Variants in FAT3 observed in about 807,000 individuals in gnomAD.
FAT3 encodes the protein protocadherin Fat 3.
A neutral mutation model predicts 310.2 loss-of-function variants in FAT3; 95 were observed. The observed-to-expected ratio is 0.31, with a 90% confidence interval of 0.26 to 0.36. The LOEUF (loss-of-function observed/expected upper bound fraction) is 0.36. Ranked by LOEUF, FAT3 falls within the 10% of genes least tolerant of loss-of-function variation. The pLI is 1.00. For synonymous variants in FAT3, 2,314 were observed against 2,192.9 expected, an observed-to-expected ratio of 1.06 and a Z score of -1.54; for missense variants, 5,408 against 5,715.6, an observed-to-expected ratio of 0.95 and a Z score of 1.74.
At chr11:92,482,887 C>CT (rs1952272155) in intron 2 of FAT3, among the ~76,000 whole-genome samples, 1 of 152,196 alleles carries the variant, frequency 6.6e-6, no homozygotes. Context: ...TTTATAACAC[C>CT]TTTGCTGTCA....
At chr11:92,605,722 T>TTG (rs1410794273) in intron 3 of FAT3, among the ~76,000 whole-genome samples, 1 of 147,388 alleles carries the variant, frequency 6.8e-6, no homozygotes, top group East Asian at 2.0e-4. Flanking sequence ...TAGCTATGTT[T>TTG]TTTTTTTTTT....
intron 1 of FAT3, chr11:92,314,251 G>A: frequency 1.0e-6 from 1 of 973,314 alleles, no homozygotes; most frequent in Non-Finnish European, 1.2e-6. Context: ...AAGGTCATTG[G>A]ATCATTTGAT....
intron 2 of FAT3, among the ~76,000 whole-genome samples, chr11:92,461,336 C>T (rs1951633377): frequency 6.6e-6 from 1 of 151,956 alleles, no homozygotes; most frequent in Admixed American, 6.6e-5. Context: ...TCAGGCATAG[C>T]CTTCATTCAT....
At chr11:92,729,426 A>ATTTT (rs1358571849) in intron 4 of FAT3, among the ~76,000 whole-genome samples, 1 of 140,436 alleles carries the variant, frequency 7.1e-6, no homozygotes, top group African/African-American at 2.6e-5. Context: ...CCCAGACTGA[A>ATTTT]TTTTTTTTTT....
In FAT3 at chr11:92,882,818, T is replaced by A. The variant is rs746637172; in HGVS notation, c.12362T>A (p.Leu4121His). The change falls in exon 24 of 28, where the codon CTC becomes CAC. Residue 4121 changes from leucine (L) to histidine (H), a missense_variant. Physicochemically the swap from Leu to His is moderately conservative, Grantham distance 99. Coordinates refer to ENST00000525166, the MANE Select transcript of FAT3 (RefSeq NM_001367949.2). ...TGCGTGAACGTGTTCGGCTCCTTCC[T>A]CTGCAACTGCACGCCGGGCTACGTG... ...GSCVNVFGSF[L>H]CNCTPGYVGQ... 6.2e-7 allele frequency: 1 copy of A among 1,611,954 alleles called. No individual in the cohort carries two copies. Among genetic ancestry groups the A allele is most frequent in the Non-Finnish European group, 8.5e-7 (1 of 1,179,286 alleles).
chr11:92,355,457 A>G (rs1948705422), intron 2 of FAT3, 53 bp downstream of exon 2: 4 of 1,527,452 alleles, frequency 2.6e-6, no homozygotes, highest in Non-Finnish European at 3.6e-6. Flanking sequence ...TTAAATGGTC[A>G]ACAGTGGAAA....
At chr11:92,366,736 A>T (rs1591178270) in intron 2 of FAT3, 1 of 535,474 alleles carries the variant, frequency 1.9e-6, no homozygotes, top group South Asian at 1.4e-5. Flanking sequence ...TGATCTGGGG[A>T]GCTATTTCTT....
At position 92,881,227 on chromosome 11, in the gene FAT3, G is replaced by A. The variant is rs141372050; in HGVS notation, c.12281+343G>A. 6.6e-5 allele frequency among the ~76,000 whole-genome samples: 10 copies of A among 152,136 alleles called. No individual in the cohort carries two copies. The East Asian group carries it at 1.5e-3, about 24-fold the overall frequency. On this transcript the variant is annotated intron_variant, in intron 23 of 27. Coordinates refer to ENST00000525166, the MANE Select transcript of FAT3 (RefSeq NM_001367949.2). Reference sequence around the variant, plus strand: ...GGAGGCAGACATACTACCCATTTCCGCAGAATCCATTAACTGGACTCTACG... The same window carrying A: ...GGAGGCAGACATACTACCCATTTCCACAGAATCCATTAACTGGACTCTACG...
intron 13 of FAT3, among the ~76,000 whole-genome samples, chr11:92,814,685 A>G (rs1947774926): frequency 1.3e-5 from 2 of 152,186 alleles, no homozygotes; most frequent in Admixed American, 6.5e-5. Context: ...CAGGGAGGGG[A>G]ACATTACACA....
chr11:92,483,349 T>C (rs1421772520), intron 2 of FAT3, among the ~76,000 whole-genome samples: 1 of 152,116 alleles, frequency 6.6e-6, no homozygotes, highest in Non-Finnish European at 1.5e-5. Flanking sequence ...TTTCTTTTAT[T>C]TTTTGAGGCA....
In FAT3 at chr11:92,805,129, G is replaced by A. The variant is rs763152503; in HGVS notation, c.8897-24G>A. ...GACATTTCATTGCACATCTTCAAAA[G>A]CTCTTTTGTTTTTTTAACTGCAGGA... On this transcript the variant is annotated intron_variant, in intron 10 of 27. Transcript: ENST00000525166. 6.9e-6 allele frequency: 11 copies of A among 1,599,578 alleles called. No individual in the cohort carries two copies. The South Asian group carries it at 1.1e-4, about 16-fold the overall frequency.
chr11:92,229,118 C>T (rs1350805101), intron 1 of FAT3, among the ~76,000 whole-genome samples: 1 of 152,164 alleles, frequency 6.6e-6, no homozygotes, highest in Non-Finnish European at 1.5e-5. Context: ...AGCAGAGCCT[C>T]TGATTTCTAC....
chr11:92,490,527 G>C (rs1952569896), intron 2 of FAT3, among the ~76,000 whole-genome samples: 1 of 151,974 alleles, frequency 6.6e-6, no homozygotes, highest in Non-Finnish European at 1.5e-5. Flanking sequence ...GCTGTAAAGT[G>C]GTGGGGTTTT....
intron 3 of FAT3, among the ~76,000 whole-genome samples, chr11:92,576,982 T>C (rs1167465536): frequency 6.6e-6 from 1 of 151,616 alleles, no homozygotes; most frequent in Non-Finnish European, 1.5e-5. Flanking sequence ...TCTGTATATA[T>C]TTGAATCATA....
At chr11:92,631,424 G>C (rs1244848925) in intron 3 of FAT3, among the ~76,000 whole-genome samples, 1 of 152,096 alleles carries the variant, frequency 6.6e-6, no homozygotes, top group African/African-American at 2.4e-5. Flanking sequence ...GTTGAGGGAG[G>C]GAGCTGGTGG....
At chr11:92,697,868 G>A (rs1943986270) in intron 4 of FAT3, among the ~76,000 whole-genome samples, 3 of 152,124 alleles carry the variant, frequency 2.0e-5, no homozygotes. Context: ...AAAGAAAGCT[G>A]CTGGTTGAGT....
rs1320563030 is a variant in FAT3 at position 92,292,411 on chromosome 11, C to A, written c.-17-59685C>A. Reference sequence around the variant, plus strand: ...TAGTTTCAAAGCTAGAGTTGTTGAACATGACCATGGGGATGGGAAGTGAGG... The same window carrying A: ...TAGTTTCAAAGCTAGAGTTGTTGAAAATGACCATGGGGATGGGAAGTGAGG... On this transcript the variant is annotated intron_variant, in intron 1 of 27. Transcript: ENST00000525166. Among the ~76,000 whole-genome samples, 3 of 152,072 alleles carry A rather than the reference C, an allele frequency of 2.0e-5. No individual in the cohort carries two copies. In the East Asian group the frequency reaches 5.8e-4, roughly 29 times the overall value.
At chr11:92,377,057 G>A (rs1409871087) in intron 2 of FAT3, among the ~76,000 whole-genome samples, 1 of 152,094 alleles carries the variant, frequency 6.6e-6, no homozygotes, top group African/African-American at 2.4e-5. Context: ...GGGCTTAAAG[G>A]ATACTGAGGT....
At position 92,353,006 on chromosome 11, in the gene FAT3, C is replaced by T. The variant is rs367741385; in HGVS notation, c.894C>T (p.Ile298=). 8.7e-6 allele frequency: 14 copies of T among 1,613,598 alleles called. No homozygotes were observed. The highest frequency in any genetic ancestry group is 5.3e-5 in the African/African-American group (4 of 74,894). Residue 298 remains isoleucine (I), a synonymous_variant, in exon 2 of 28, where the codon ATC becomes ATT. Transcript: ENST00000525166. ...TAGATGATGGAGCGAATGGAGAGAT[C>T]GAATCTGTTTCCATTGTGGCTGGGG... The part of the protein sequence containing the change: ...DDLDDGANGE[I]ESVSIVAGDP...
Sources: gnomAD v4.1 joint callset for allele counts (sites outside exome capture counted in the v4.1 genomes callset) on GRCh38, gnomAD v4.1.1 for gene constraint, MANE v1.5 for transcripts, NCBI Gene and HGNC (gene_info 2026-07-23, HGNC 2026-07-21) for gene names.